The following KHDRBS3 variants were observed in gnomAD, a reference collection of about 807,000 sequenced individuals.
The protein encoded by KHDRBS3 is KH domain-containing, RNA-binding, signal transduction-associated protein 3.
Under a neutral mutation model 45.6 loss-of-function variants are expected in KHDRBS3, and 23 were observed. The observed-to-expected ratio is 0.50, with a 90% CI of 0.36 to 0.72. KHDRBS3 has a LOEUF of 0.72. Among genes scored for constraint, KHDRBS3 ranks in the 30% least tolerant of loss-of-function variants. The probability of loss-of-function intolerance (pLI) is 0.00; values close to 1 mark genes in which losing one functional copy is unlikely to be tolerated. For synonymous variants in KHDRBS3, 162 were observed against 156.5 expected (o/e 1.04, Z -0.26); for missense variants, 352 against 424.8 (o/e 0.83, Z 1.51).
rs768164479 is a variant in KHDRBS3 at position 135,512,978 on chromosome 8, C to T, written c.89-8259C>T. 1.4e-4 allele frequency among the ~76,000 whole-genome samples: 21 copies of T among 151,858 alleles called. 1 individual carries two copies. Among genetic ancestry groups the T allele is most frequent in the Admixed American group, 2.6e-4 (4 of 15,252 alleles). ...CTGTAATCCCAGCACTTTGGGAGGCCGAGGCGGGCGGATGACAAGGTCAGG... is the reference window on the plus strand; with the variant it reads ...CTGTAATCCCAGCACTTTGGGAGGCTGAGGCGGGCGGATGACAAGGTCAGG... On this transcript the variant is annotated intron_variant, in intron 1 of 8. Coordinates refer to ENST00000355849, the MANE Select transcript of KHDRBS3 (RefSeq NM_006558.3).
At chr8:135,621,050 T>C (rs1484503352) in intron 7 of KHDRBS3, among the ~76,000 whole-genome samples, 1 of 151,632 alleles carries the variant, frequency 6.6e-6, no homozygotes, top group East Asian at 1.9e-4. Context: ...TAAGAAATCT[T>C]GTACCATTGT....
At chr8:135,514,230 C>G (rs1824449867) in intron 1 of KHDRBS3, among the ~76,000 whole-genome samples, 1 of 152,150 alleles carries the variant, frequency 6.6e-6, no homozygotes, top group African/African-American at 2.4e-5. Context: ...ATTTTCACAT[C>G]TCACTTCAGG....
chr8:135,608,920 A>G (rs918731889), intron 7 of KHDRBS3, among the ~76,000 whole-genome samples: 1 of 152,200 alleles, frequency 6.6e-6, no homozygotes, highest in African/African-American at 2.4e-5. Flanking sequence ...AAAATGTGGT[A>G]TAAAAGATAA....
intron 1 of KHDRBS3, among the ~76,000 whole-genome samples, chr8:135,515,364 T>TGAAAAAA (rs1824529616): frequency 4.2e-5 from 1 of 23,722 alleles, no homozygotes; most frequent in Non-Finnish European, 7.9e-5. Context: ...AGACTCCGTC[T>TGAAAAAA]TAAAAAAAAA....
chr8:135,576,512 A>G (rs1047025040), intron 5 of KHDRBS3, among the ~76,000 whole-genome samples: 4 of 151,872 alleles, frequency 2.6e-5, no homozygotes, highest in Admixed American at 1.3e-4. Flanking sequence ...AGCTTTGGCC[A>G]TTGGGAGTTC....
At chr8:135,618,998 C>G (rs1255701292) in intron 7 of KHDRBS3, among the ~76,000 whole-genome samples, 1 of 152,182 alleles carries the variant, frequency 6.6e-6, no homozygotes, top group Non-Finnish European at 1.5e-5. Context: ...GCTTCCAGCT[C>G]ACCTCATATC....
downstream of KHDRBS3, among the ~76,000 whole-genome samples, chr8:135,648,887 GA>G (rs143223762): frequency 0.14 from 20,722 of 149,884 alleles, 1,533 homozygotes; most frequent in African/African-American, 0.16. Flanking sequence ...TCAATAGCAT[GA>G]AAAAAAAAAT....
Position 135,621,768 on chromosome 8 carries a change from C to G in KHDRBS3, c.890+14731C>G, listed in dbSNP as rs868117811. 2.6e-5 allele frequency among the ~76,000 whole-genome samples: 4 copies of G among 151,806 alleles called. No homozygotes were observed. The Middle Eastern group carries it at 0.01, about 395-fold the overall frequency. ...TGACTTGGTGTGCATTGGTAGTGAC[C>G]AGTTTTTCAGTGAAGCTGCAGCCTA... On this transcript the variant is annotated intron_variant, in intron 7 of 8. Coordinates refer to ENST00000355849, the MANE Select transcript of KHDRBS3 (RefSeq NM_006558.3).
chr8:135,594,730 A>G (rs1322098615), intron 6 of KHDRBS3, among the ~76,000 whole-genome samples: 1 of 152,212 alleles, frequency 6.6e-6, no homozygotes, highest in Non-Finnish European at 1.5e-5. Flanking sequence ...AAAATTAAAA[A>G]GGTATTTTGA....
Position 135,637,891 on chromosome 8 carries a change from G to A in KHDRBS3, c.891-7168G>A, listed in dbSNP as rs369676073. 8.5e-5 allele frequency among the ~76,000 whole-genome samples: 13 copies of A among 152,184 alleles called. No individual in the cohort carries two copies. The East Asian group carries it at 1.4e-3, about 16-fold the overall frequency. ...TCTAAGTGCATTGTAAACTGAAAAG[G>A]ACTTTTAAGAAACAGTAGTTTGAAT... On this transcript the variant is annotated intron_variant, in intron 7 of 8. Coordinates refer to ENST00000355849, the MANE Select transcript of KHDRBS3 (RefSeq NM_006558.3).
chr8:135,631,724 G>T (rs1457852208), intron 7 of KHDRBS3, among the ~76,000 whole-genome samples: 1 of 152,192 alleles, frequency 6.6e-6, no homozygotes, highest in Non-Finnish European at 1.5e-5. Flanking sequence ...GAGGTAACCA[G>T]ATAGGTTTTC....
At chr8:135,467,173 ATTTG>A (rs1821740300) in intron 1 of KHDRBS3, among the ~76,000 whole-genome samples, 1 of 152,234 alleles carries the variant, frequency 6.6e-6, no homozygotes, top group South Asian at 2.1e-4. Flanking sequence ...GTGGTTTCGT[ATTTG>A]TTTAATTTCA....
intron 1 of KHDRBS3, among the ~76,000 whole-genome samples, chr8:135,515,531 T>C (rs1404207990): frequency 6.6e-6 from 1 of 152,064 alleles, no homozygotes; most frequent in East Asian, 1.9e-4. Flanking sequence ...GAGGCTGATA[T>C]GCATGGTACA....
chr8:135,575,047 G>C (rs1295613632), intron 5 of KHDRBS3, among the ~76,000 whole-genome samples: 1 of 152,138 alleles, frequency 6.6e-6, no homozygotes, highest in African/African-American at 2.4e-5. Flanking sequence ...ATCCTGATCT[G>C]ATTCCAATGT....
chr8:135,608,684 T>C (rs1829577805), intron 7 of KHDRBS3, among the ~76,000 whole-genome samples: 1 of 152,224 alleles, frequency 6.6e-6, no homozygotes, highest in Non-Finnish European at 1.5e-5. Context: ...TATACAGTTA[T>C]GTGTCATTTA....
intron 1 of KHDRBS3, among the ~76,000 whole-genome samples, chr8:135,470,296 A>T (rs1175435166): frequency 1.3e-5 from 2 of 150,652 alleles, no homozygotes; most frequent in Admixed American, 1.3e-4. Context: ...TTGATTTAAC[A>T]AGTTTTACTG....
chr8:135,566,284 T>C (rs560145169), intron 5 of KHDRBS3, among the ~76,000 whole-genome samples: 149 of 152,338 alleles, frequency 9.8e-4, no homozygotes, highest in Non-Finnish European at 1.3e-3. Flanking sequence ...TTGCTGAATA[T>C]ACTAAATTTC....
intron 1 of KHDRBS3, among the ~76,000 whole-genome samples, chr8:135,471,332 A>G (rs1453986746): frequency 6.6e-6 from 1 of 152,150 alleles, no homozygotes; most frequent in Non-Finnish European, 1.5e-5. Flanking sequence ...TCTGGGGGAA[A>G]CACCCCTAAG....
chr8:135,478,957 A>G (rs904349843), intron 1 of KHDRBS3, among the ~76,000 whole-genome samples: 22 of 152,214 alleles, frequency 1.4e-4, no homozygotes, highest in African/African-American at 5.1e-4. Flanking sequence ...GTTGGAATGG[A>G]AATTAATCAA....
Sources: allele counts gnomAD v4.1 joint callset (sites outside exome capture counted in the v4.1 genomes callset), GRCh38; gene constraint gnomAD v4.1.1; transcripts MANE v1.5; gene names NCBI Gene and HGNC (gene_info 2026-07-23, HGNC 2026-07-21).